The following TTC34 variants were observed in gnomAD, a reference collection of about 807,000 sequenced individuals.
TTC34 encodes the protein tetratricopeptide repeat domain 34.
TTC34 carries 44 observed loss-of-function variants against 40.7 expected under a neutral mutation model. The observed-to-expected ratio is 1.08, with a 90% CI of 0.85 to 1.39. The LOEUF is 1.39. Ranked by LOEUF, TTC34 falls within the 40% of genes most tolerant of loss-of-function variation. TTC34 has a pLI of 0.00. For missense variants in TTC34, 884 were observed against 838.0 expected, an observed-to-expected ratio of 1.05 and a Z score of -0.68; for synonymous variants, 422 against 398.6, an observed-to-expected ratio of 1.06 and a Z score of -0.70.
intron 6 of TTC34, among the ~76,000 whole-genome samples, chr1:2,694,811 A>G (rs1204644751): frequency 4.5e-5 from 3 of 66,826 alleles, no homozygotes; most frequent in Non-Finnish European, 7.2e-5. Context: ...AGCATCTGAC[A>G]GCCTGGAACG....
chr1:2,780,255 A>C (rs1643460604), intron 6 of TTC34, among the ~76,000 whole-genome samples: 1 of 152,134 alleles, frequency 6.6e-6, no homozygotes, highest in East Asian at 1.9e-4. Context: ...TTTTTACTCT[A>C]TTATAATAGT....
intron 6 of TTC34, among the ~76,000 whole-genome samples, chr1:2,756,921 C>G (rs1641525917): frequency 6.6e-6 from 1 of 152,106 alleles, no homozygotes. Flanking sequence ...AGTTGAGCAT[C>G]TGACAGCCTG....
exon 9 of TTC34, chr1:2,641,265 G>T: frequency 7.5e-7 from 1 of 1,324,970 alleles, no homozygotes; most frequent in African/African-American, 1.5e-5. Flanking sequence ...GGCAGGGCAG[G>T]TACCTCCCCG....
At chr1:2,779,203 T>G (rs539947033) in intron 6 of TTC34, among the ~76,000 whole-genome samples, 28 of 152,216 alleles carry the variant, frequency 1.8e-4, no homozygotes, top group Non-Finnish European at 3.2e-4. Context: ...ACCTCCAAGC[T>G]CTTGTGAACA....
intron 6 of TTC34, among the ~76,000 whole-genome samples, chr1:2,660,117 G>C (rs371872060): frequency 3.2e-4 from 31 of 96,704 alleles, no homozygotes; most frequent in Non-Finnish European, 5.0e-4. Flanking sequence ...ACCAACAGGC[G>C]AGCATCTGAC....
At chr1:2,752,712 A>C in intron 6 of TTC34, among the ~76,000 whole-genome samples, 1 of 132,728 alleles carries the variant, frequency 7.5e-6, no homozygotes, top group African/African-American at 3.1e-5. Flanking sequence ...AGCATCTGAC[A>C]GCATGGAACA....
intron 6 of TTC34, among the ~76,000 whole-genome samples, chr1:2,688,261 A>C (rs1570820543): frequency 2.1e-5 from 3 of 141,744 alleles, no homozygotes; most frequent in African/African-American, 5.8e-5. Flanking sequence ...CCAGGGGAGC[A>C]TGTGACAGCC....
At chr1:2,657,218 C>G (rs1639378664) in intron 6 of TTC34, among the ~76,000 whole-genome samples, 1 of 120,814 alleles carries the variant, frequency 8.3e-6, no homozygotes, top group Non-Finnish European at 1.9e-5. Context: ...GCAGCACCCA[C>G]AACCACAGGT....
intron 6 of TTC34, among the ~76,000 whole-genome samples, chr1:2,652,312 A>C (rs1313042350): frequency 1.4e-5 from 2 of 143,286 alleles, no homozygotes; most frequent in Admixed American, 7.4e-5. Context: ...GACAGCCTGG[A>C]GCAGCACCCA....
At chr1:2,751,920 G>T (rs1249656720) in intron 6 of TTC34, among the ~76,000 whole-genome samples, 17 of 102,658 alleles carry the variant, frequency 1.7e-4, no homozygotes, top group East Asian at 3.5e-4. Context: ...GTCTGGAGCA[G>T]CACGCATAAC....
intron 6 of TTC34, among the ~76,000 whole-genome samples, chr1:2,648,202 T>C (rs1185238394): frequency 4.6e-5 from 7 of 152,188 alleles, no homozygotes; most frequent in Non-Finnish European, 8.8e-5. Context: ...GTTCTCTGTG[T>C]GCCTAGCAGT....
chr1:2,685,140 CCT>C (rs1640269262), intron 6 of TTC34, among the ~76,000 whole-genome samples: 1 of 145,232 alleles, frequency 6.9e-6, no homozygotes, highest in Non-Finnish European at 1.5e-5. Context: ...CATCGGACGG[CCT>C]GGAACAGCAC....
chr1:2,778,767 A>G (rs1643413522), intron 6 of TTC34, among the ~76,000 whole-genome samples: 1 of 340 alleles, frequency 2.9e-3, no homozygotes, highest in African/African-American at 0.016. Flanking sequence ...CGTAAAATTT[A>G]CCATCTTAAT....
At chr1:2,638,416 T>C (rs1414105418) in exon 9 of TTC34, 1 of 152,226 alleles carries the variant, frequency 6.6e-6, no homozygotes, top group Non-Finnish European at 1.5e-5. Flanking sequence ...GTTTACTTGG[T>C]TGAATGAAAT....
intron 6 of TTC34, among the ~76,000 whole-genome samples, chr1:2,758,435 AC>A (rs1641577035): frequency 1.2e-5 from 1 of 82,428 alleles, no homozygotes; most frequent in Non-Finnish European, 2.2e-5. Context: ...AGCTCCCTGC[AC>A]CCCCAGGTGC....
At chr1:2,643,125 C>T (rs913321593) in intron 8 of TTC34, among the ~76,000 whole-genome samples, 13 of 152,296 alleles carry the variant, frequency 8.5e-5, no homozygotes, top group African/African-American at 2.9e-4. Context: ...CCCGGGAGCC[C>T]CCAGGCCGCC....
intron 6 of TTC34, among the ~76,000 whole-genome samples, chr1:2,655,064 G>T (rs1320428112): frequency 6.7e-6 from 1 of 150,126 alleles, no homozygotes; most frequent in Non-Finnish European, 1.5e-5. Flanking sequence ...CCCCAAGTGA[G>T]CACCTGACAG....
chr1:2,646,144 C>T (rs901857317), intron 6 of TTC34, among the ~76,000 whole-genome samples: 1 of 152,174 alleles, frequency 6.6e-6, no homozygotes, highest in Admixed American at 6.5e-5. Flanking sequence ...AACTATGCCT[C>T]TTTATATTAT....
At chr1:2,639,404 G>C (rs1381734848) in exon 9 of TTC34, 2 of 152,544 alleles carry the variant, frequency 1.3e-5, no homozygotes, top group Non-Finnish European at 2.9e-5. Flanking sequence ...ACGTGGTGGG[G>C]AAGGGCACCC....
Sources: allele counts gnomAD v4.1 joint callset (sites outside exome capture counted in the v4.1 genomes callset), GRCh38; gene constraint gnomAD v4.1.1; transcripts MANE v1.5; gene names NCBI Gene and HGNC (gene_info 2026-07-23, HGNC 2026-07-21).